Variants in VIT observed in about 807,000 individuals in gnomAD.
The protein encoded by VIT is vitrin.
A neutral mutation model predicts 78.0 loss-of-function variants in VIT; 99 were observed. The ratio of observed to expected loss-of-function variants is 1.27; its 90% CI spans 1.08 to 1.50. The LOEUF is 1.50. VIT is among the 40% of genes most tolerant of loss of function. The pLI is 0.00. For synonymous variants in VIT, 374 were observed against 334.3 expected (o/e 1.12, Z -1.29); for missense variants, 1,126 against 875.3 (o/e 1.29, Z -3.61).
At chr2:36,756,887 A>C (rs549476393) in intron 5 of VIT, among the ~76,000 whole-genome samples, 1 of 152,346 alleles carries the variant, frequency 6.6e-6, no homozygotes, top group East Asian at 1.9e-4. Flanking sequence ...ACAGAGGTTT[A>C]AAAGAAAAAT....
Position 36,750,752 on chromosome 2 carries a change from C to T in VIT, c.276-4169C>T, listed in dbSNP as rs189377509. 1.2e-3 allele frequency among the ~76,000 whole-genome samples: 177 copies of T among 151,042 alleles called. 2 individuals carry two copies. In the East Asian group the frequency reaches 0.032, roughly 27 times the overall value. On this transcript the variant is annotated intron_variant, in intron 4 of 15. Transcript: ENST00000379242. ...AGGAGAATCGCTTGAACCTGGGAGG[C>T]GGAGGTTGCGGTGAGCCAAGATCAT...
At chr2:36,773,923 G>T in intron 8 of VIT, 76 bp downstream of exon 8, 1 of 1,434,820 alleles carries the variant, frequency 7.0e-7, no homozygotes, top group Non-Finnish European at 9.4e-7. Flanking sequence ...CCACATCTTT[G>T]CCATTTAATT....
At chr2:36,700,714 T>C (rs7572532) in intron 1 of VIT, among the ~76,000 whole-genome samples, 125,214 of 151,754 alleles carry the variant, frequency 0.83, 52,529 homozygotes, top group Middle Eastern at 0.95. Flanking sequence ...CCAGCCTGGG[T>C]GACACAGCAA....
chr2:36,773,883 A>C lies in VIT; in HGVS notation c.736+36A>C, dbSNP rs1669904534. 3 of 1,567,502 alleles carry C rather than the reference A, an allele frequency of 1.9e-6. No individual in the cohort carries two copies. In the South Asian group the frequency reaches 3.7e-5, roughly 19 times the overall value. On this transcript the variant is annotated intron_variant, in intron 8 of 15. Coordinates refer to ENST00000379242, the MANE Select transcript of VIT (RefSeq NM_053276.4). ...AAACTCCCTTTCCAGCCACTGATGA[A>C]AGTTAAGCTTGTTTACATGCGGTTC...
intron 15 of VIT, among the ~76,000 whole-genome samples, chr2:36,811,007 A>G (rs1038235455): frequency 2.6e-5 from 4 of 152,182 alleles, no homozygotes. Flanking sequence ...ATTTCTTCCT[A>G]AAACAAGCCT....
intron 2 of VIT, among the ~76,000 whole-genome samples, chr2:36,726,997 C>T (rs2148477655): frequency 6.6e-6 from 1 of 152,172 alleles, no homozygotes; most frequent in Non-Finnish European, 1.5e-5. Flanking sequence ...ATACAGAATT[C>T]TCCCTTCTTC....
chr2:36,811,140 T>C (rs1461746597), intron 15 of VIT, among the ~76,000 whole-genome samples: 1 of 152,180 alleles, frequency 6.6e-6, no homozygotes, highest in African/African-American at 2.4e-5. Flanking sequence ...GTGGGATGGC[T>C]GGTGGCCTGC....
intron 4 of VIT, among the ~76,000 whole-genome samples, chr2:36,748,685 G>T (rs978556515): frequency 1.3e-5 from 2 of 152,184 alleles, no homozygotes; most frequent in Non-Finnish European, 2.9e-5. Context: ...TCTGAATCTT[G>T]TTGAGCTTCT....
intron 2 of VIT, among the ~76,000 whole-genome samples, chr2:36,721,693 G>A (rs931247583): frequency 2.0e-5 from 3 of 151,864 alleles, no homozygotes; most frequent in African/African-American, 2.4e-5. Flanking sequence ...CCCCCACTCC[G>A]GCACTGAACT....
At chr2:36,735,531 C>T (rs575467628) in intron 3 of VIT, among the ~76,000 whole-genome samples, 1 of 152,342 alleles carries the variant, frequency 6.6e-6, no homozygotes, top group Admixed American at 6.5e-5. Flanking sequence ...CTCAGCTACT[C>T]AGTGTCCAAG....
At chr2:36,804,507 G>C (rs915357279) in intron 13 of VIT, among the ~76,000 whole-genome samples, 8 of 152,168 alleles carry the variant, frequency 5.3e-5, no homozygotes, top group African/African-American at 1.9e-4. Flanking sequence ...GCTTAGTGTG[G>C]GTCCAGCAGA....
At chr2:36,811,181 A>C (rs1471944368) in intron 15 of VIT, among the ~76,000 whole-genome samples, 1 of 152,194 alleles carries the variant, frequency 6.6e-6, no homozygotes, top group African/African-American at 2.4e-5. Flanking sequence ...CACCAGGCTC[A>C]TATCAGCAGA....
chr2:36,700,529 G>T (rs1449942468), intron 1 of VIT, among the ~76,000 whole-genome samples: 1 of 152,040 alleles, frequency 6.6e-6, no homozygotes, highest in Non-Finnish European at 1.5e-5. Flanking sequence ...ATTGCCTGAG[G>T]CCAGGAGTTT....
At chr2:36,809,107 T>C in intron 15 of VIT, 122 bp downstream of exon 15, 1 of 1,357,618 alleles carries the variant, frequency 7.4e-7, no homozygotes. Context: ...AATAAAAATG[T>C]TCAAAGCCGC....
intron 1 of VIT, among the ~76,000 whole-genome samples, chr2:36,709,134 A>C (rs923461497): frequency 4.6e-5 from 7 of 152,188 alleles, no homozygotes. Context: ...TGAGTGACAG[A>C]GCGAAACTCC....
chr2:36,804,164 G>A (rs924382294), intron 13 of VIT, among the ~76,000 whole-genome samples: 10 of 152,208 alleles, frequency 6.6e-5, no homozygotes, highest in Admixed American at 6.5e-4. Flanking sequence ...CATGGCTGCT[G>A]CACTCAGCTG....
intron 12 of VIT, among the ~76,000 whole-genome samples, chr2:36,794,716 A>G (rs1665746104): frequency 6.6e-6 from 1 of 152,122 alleles, no homozygotes; most frequent in African/African-American, 2.4e-5. Context: ...TTTGCCCCTA[A>G]TTATAATTTT....
rs557873230 is a variant in VIT, at chr2:36,716,869, C to CTT, written c.52+471_52+472dup. 5.6e-3 allele frequency among the ~76,000 whole-genome samples: 439 copies of CTT among 78,668 alleles called. 8 individuals are homozygous for CTT. Among genetic ancestry groups the CTT allele is most frequent in the East Asian group, 7.3e-3 (18 of 2,456 alleles). 51.6% of individuals were successfully genotyped at this position (78,668 alleles called of 152,430 possible). ...GCAACTCACGCTTTTAGAGATGATTCTTTTTTTTTTTTTTTTTTTTTTTTT... is the reference window on the plus strand; with the variant it reads ...GCAACTCACGCTTTTAGAGATGATTCTTTTTTTTTTTTTTTTTTTTTTTTTTT... On this transcript the variant is annotated intron_variant, in intron 2 of 15. Transcript: ENST00000379242.
intron 1 of VIT, among the ~76,000 whole-genome samples, chr2:36,715,167 T>C (rs577063361): frequency 6.6e-6 from 1 of 152,298 alleles, no homozygotes; most frequent in South Asian, 2.1e-4. Flanking sequence ...CCTTGGGGAA[T>C]CTCTAGCACT....
Sources: gnomAD v4.1 joint callset for allele counts (sites outside exome capture counted in the v4.1 genomes callset) on GRCh38, gnomAD v4.1.1 for gene constraint, MANE v1.5 for transcripts, NCBI Gene and HGNC (gene_info 2026-07-23, HGNC 2026-07-21) for gene names.